Variants in KCTD7 observed in about 807,000 individuals in gnomAD.
The protein encoded by KCTD7 is BTB/POZ domain-containing protein KCTD7.
Under a neutral mutation model 27.0 loss-of-function variants are expected in KCTD7, and 15 were observed. The observed-to-expected ratio is 0.56, with a 90% CI of 0.37 to 0.86. The LOEUF (loss-of-function observed/expected upper bound fraction) is 0.86. KCTD7 is among the 40% of genes least tolerant of loss of function. The pLI is 0.00. For missense variants in KCTD7, 299 were observed against 398.9 expected (o/e 0.75, Z 2.13); for synonymous variants, 159 against 162.7 (o/e 0.98, Z 0.17).
At chr7:66,631,159 A>G (rs895484967) in intron 1 of KCTD7, among the ~76,000 whole-genome samples, 2 of 152,200 alleles carry the variant, frequency 1.3e-5, no homozygotes, top group African/African-American at 2.4e-5. Context: ...TATTTGAGCC[A>G]GGCGCTGCAC....
At chr7:66,637,585 A>G (rs1786616825) in intron 2 of KCTD7, among the ~76,000 whole-genome samples, 1 of 152,234 alleles carries the variant, frequency 6.6e-6, no homozygotes, top group African/African-American at 2.4e-5. Flanking sequence ...TATTTGGTGG[A>G]TACATTTCAA....
At chr7:66,630,059 C>T (rs1394818200) in intron 1 of KCTD7, among the ~76,000 whole-genome samples, 1 of 152,158 alleles carries the variant, frequency 6.6e-6, no homozygotes, top group East Asian at 1.9e-4. Flanking sequence ...ATTGCTTGAT[C>T]CCAGCAGTTA....
chr7:66,633,572 T>C (rs1786505968), intron 2 of KCTD7, 128 bp downstream of exon 2: 4 of 926,576 alleles, frequency 4.3e-6, no homozygotes, highest in Non-Finnish European at 5.1e-6. Flanking sequence ...ATTTAATAAA[T>C]GGGTTTATTG....
At chr7:66,629,503 A>T (rs559492597) in intron 1 of KCTD7, among the ~76,000 whole-genome samples, 161 of 147,352 alleles carry the variant, frequency 1.1e-3, no homozygotes, top group African/African-American at 3.6e-3. Flanking sequence ...TACCGAAGAC[A>T]GGAGGGAGGG....
At chr7:66,633,574 G>A in intron 2 of KCTD7, 130 bp downstream of exon 2, 1 of 943,704 alleles carries the variant, frequency 1.1e-6, no homozygotes, top group Admixed American at 2.1e-5. Flanking sequence ...TTAATAAATG[G>A]GTTTATTGAA....
At chr7:66,631,128 ATTCG>A (rs1786432400) in intron 1 of KCTD7, among the ~76,000 whole-genome samples, 1 of 152,184 alleles carries the variant, frequency 6.6e-6, no homozygotes, top group Admixed American at 6.5e-5. Context: ...TCTTTCATTC[ATTCG>A]GTGAATTTTG....
chr7:66,635,874 G>A (rs1001073964), intron 2 of KCTD7, among the ~76,000 whole-genome samples: 1 of 151,924 alleles, frequency 6.6e-6, no homozygotes, highest in African/African-American at 2.4e-5. Context: ...ACCCTTAGCT[G>A]GGCCTTGCCC....
intron 2 of KCTD7, among the ~76,000 whole-genome samples, chr7:66,634,151 C>T (rs1213751135): frequency 9.1e-6 from 1 of 109,940 alleles, no homozygotes; most frequent in Non-Finnish European, 1.7e-5. Context: ...TATATATGAG[C>T]TCTGATGCAC....
At chr7:66,635,543 G>T (rs1786567464) in intron 2 of KCTD7, among the ~76,000 whole-genome samples, 1 of 150,564 alleles carries the variant, frequency 6.6e-6, no homozygotes, top group South Asian at 2.1e-4. Flanking sequence ...GGAACTCTTA[G>T]CTCCTTCAGT....
Position 66,640,597 on chromosome 7 carries a change from G to T in KCTD7, c.*1365G>T. On this transcript the variant is annotated 3_prime_UTR_variant, in exon 4 of 4. Coordinates refer to ENST00000639828, the MANE Select transcript of KCTD7 (RefSeq NM_153033.5). ...TTGTACCTGTCTCTTCCTGGGTAAA[G>T]GGAGATTTTTTTTTTTAATGTGTAA... 7.2e-7 allele frequency: 1 copy of T among 1,396,800 alleles called. No individual in the cohort carries two copies. The highest frequency in any genetic ancestry group is 9.3e-7 in the Non-Finnish European group (1 of 1,080,982). The allele number at this position is 1,396,800 out of a possible 1,614,324, so 86.5% of individuals were successfully genotyped here.
At position 66,641,136 on chromosome 7, in the gene KCTD7, A is replaced by G. The variant is rs974467831; in HGVS notation, c.*1904A>G. ...AGGATAGTCATTCACGTTCTGAGATATGCGCTCTCTCTATTGTTCTCGTAC... is the reference window on the plus strand; with the variant it reads ...AGGATAGTCATTCACGTTCTGAGATGTGCGCTCTCTCTATTGTTCTCGTAC... On this transcript the variant is annotated 3_prime_UTR_variant, in exon 4 of 4. Coordinates refer to ENST00000639828, the MANE Select transcript of KCTD7 (RefSeq NM_153033.5). 4.5e-5 allele frequency: 44 copies of G among 985,302 alleles called. No individual in the cohort carries two copies. The highest frequency in any genetic ancestry group is 6.1e-5 in the Admixed American group (1 of 16,270). The allele number at this position is 985,302 out of a possible 1,614,324, so 61.0% of individuals were successfully genotyped here.
chr7:66,633,971 C>A (rs186877752), intron 2 of KCTD7, among the ~76,000 whole-genome samples: 1 of 151,676 alleles, frequency 6.6e-6, no homozygotes, highest in South Asian at 2.1e-4. Context: ...CTGGGCGACA[C>A]GAGATTCCAT....
rs911428487 is a variant in KCTD7 at position 66,642,761 on chromosome 7, G to A, written c.*3529G>A. 5.1e-6 allele frequency: 5 copies of A among 985,196 alleles called. No individual in the cohort carries two copies. The highest frequency in any genetic ancestry group is 1.2e-4 in the Admixed American group (2 of 16,236). 61.0% of individuals were successfully genotyped at this position (985,196 alleles called of 1,614,324 possible). A position where few individuals can be genotyped will look rare whatever the true frequency, so the allele number is the denominator to read the frequency against. ...TAGTGTTGGGAACTGGGGTGGGAGA[G>A]GCACTTTTTGGAATTCTGAAAGAAT... On this transcript the variant is annotated 3_prime_UTR_variant, in exon 4 of 4. Coordinates refer to ENST00000639828, the MANE Select transcript of KCTD7 (RefSeq NM_153033.5).
At chr7:66,633,471 T>C (rs1584395947) in intron 2 of KCTD7, 27 bp downstream of exon 2, 2 of 1,611,910 alleles carry the variant, frequency 1.2e-6, no homozygotes, top group East Asian at 2.2e-5. Flanking sequence ...ACAATCAACT[T>C]TGTAGTCCTA....
In KCTD7 at chr7:66,642,569, A is replaced by T; in HGVS notation, c.*3337A>T. 3.0e-6 allele frequency: 3 copies of T among 985,440 alleles called. No individual in the cohort carries two copies. Among genetic ancestry groups the T allele is most frequent in the Non-Finnish European group, 3.6e-6 (3 of 829,930 alleles). The allele number at this position is 985,440 out of a possible 1,614,324, so 61.0% of individuals were successfully genotyped here. On this transcript the variant is annotated 3_prime_UTR_variant, in exon 4 of 4. Coordinates refer to ENST00000639828, the MANE Select transcript of KCTD7 (RefSeq NM_153033.5). The stretch of plus-strand genomic sequence containing the variant: ...AAAACTACTGATGCTGAGCGTTTTG[A>T]TCCTAGTAATATTTCAAATATTGTC...
intron 2 of KCTD7, 129 bp from the exon 3 acceptor site, chr7:66,638,124 G>A: frequency 1.1e-6 from 1 of 891,770 alleles, no homozygotes; most frequent in Admixed American, 1.7e-5. Context: ...GAGACATGGA[G>A]TAGTTAAGTT....
At chr7:66,631,723 T>G (rs1398574625) in intron 1 of KCTD7, among the ~76,000 whole-genome samples, 2 of 151,284 alleles carry the variant, frequency 1.3e-5, no homozygotes, top group Non-Finnish European at 2.9e-5. Context: ...AAAAAAGCCT[T>G]GCATTTTAAG....
At chr7:66,629,263 G>A in intron 1 of KCTD7, 55 bp downstream of exon 1, 2 of 1,215,850 alleles carry the variant, frequency 1.6e-6, no homozygotes, top group Non-Finnish European at 2.1e-6. Context: ...GGGGAGAAGC[G>A]GGCGCGGGGC....
rs912885499 is a variant in KCTD7 at position 66,643,006 on chromosome 7, A to T, written c.*3774A>T. 7.1e-6 allele frequency: 7 copies of T among 985,398 alleles called. No individual in the cohort carries two copies. In the African/African-American group the frequency reaches 1.2e-4, roughly 17 times the overall value. 61.0% of individuals were successfully genotyped at this position (985,398 alleles called of 1,614,324 possible). A position where few individuals can be genotyped will look rare whatever the true frequency, so the allele number is the denominator to read the frequency against. ...TGTCTGTGAGTGCTTTGGTGTATTG[A>T]GCCTCAGTACACTCCAAGGGCATTA... is the stretch of plus-strand genomic sequence containing the variant. On this transcript the variant is annotated 3_prime_UTR_variant, in exon 4 of 4. Transcript: ENST00000639828.
Sources: gnomAD v4.1 joint callset for allele counts (sites outside exome capture counted in the v4.1 genomes callset) on GRCh38, gnomAD v4.1.1 for gene constraint, MANE v1.5 for transcripts, NCBI Gene and HGNC (gene_info 2026-07-23, HGNC 2026-07-21) for gene names.